Variants in FGFR1OP2 observed in about 807,000 individuals in gnomAD.
The protein encoded by FGFR1OP2 is FGFR1 oncogene partner 2.
Under a neutral mutation model 35.2 loss-of-function variants are expected in FGFR1OP2, and 17 were observed. The observed-to-expected ratio is 0.48, with a 90% CI of 0.33 to 0.73. The LOEUF (loss-of-function observed/expected upper bound fraction) is 0.73. Among genes scored for constraint, FGFR1OP2 ranks in the 30% least tolerant of loss-of-function variants. The probability of loss-of-function intolerance (pLI) is 0.02; values close to 1 mark genes in which losing one functional copy is unlikely to be tolerated. For synonymous variants in FGFR1OP2, 105 were observed against 104.6 expected, an observed-to-expected ratio of 1.00 and a Z score of -0.03; for missense variants, 251 against 307.3, an observed-to-expected ratio of 0.82 and a Z score of 1.37.
chr12:26,949,190 C>G (rs955044028), intron 1 of FGFR1OP2, among the ~76,000 whole-genome samples: 3 of 152,088 alleles, frequency 2.0e-5, no homozygotes, highest in African/African-American at 7.2e-5. Flanking sequence ...GGCTAGAGTG[C>G]AATGGCGCGA....
At chr12:26,947,788 T>C (rs1938853844) in intron 1 of FGFR1OP2, among the ~76,000 whole-genome samples, 1 of 152,232 alleles carries the variant, frequency 6.6e-6, no homozygotes. Context: ...CTTAATCTTA[T>C]CTAAATATAA....
intron 4 of FGFR1OP2, among the ~76,000 whole-genome samples, chr12:26,958,631 C>T (rs867254136): frequency 2.6e-5 from 4 of 152,162 alleles, no homozygotes; most frequent in African/African-American, 9.7e-5. Flanking sequence ...CAGTTGACAT[C>T]ATTTTTTAGA....
chr12:26,947,956 T>A (rs189391673), intron 1 of FGFR1OP2, among the ~76,000 whole-genome samples: 1 of 152,178 alleles, frequency 6.6e-6, no homozygotes, highest in African/African-American at 2.4e-5. Context: ...TTTCAATTAA[T>A]CTATTGTAGT....
chr12:26,961,726 G>A (rs561018193), intron 5 of FGFR1OP2: 5 of 152,114 alleles, frequency 3.3e-5, no homozygotes, highest in Non-Finnish European at 4.4e-5. Context: ...CAACAAGAGC[G>A]AGACTCTGTC....
chr12:26,945,823 C>T (rs1024060142), intron 1 of FGFR1OP2, among the ~76,000 whole-genome samples: 21 of 149,638 alleles, frequency 1.4e-4, no homozygotes, highest in African/African-American at 4.9e-4. Flanking sequence ...AATGTGCCAT[C>T]GCACTCCAGC....
At chr12:26,944,209 A>T (rs1013961636) in intron 1 of FGFR1OP2, among the ~76,000 whole-genome samples, 1 of 152,190 alleles carries the variant, frequency 6.6e-6, no homozygotes, top group Non-Finnish European at 1.5e-5. Flanking sequence ...CATAGACAAC[A>T]ATGTTGGTTG....
chr12:26,946,238 G>A (rs1429303975), intron 1 of FGFR1OP2, among the ~76,000 whole-genome samples: 1 of 152,192 alleles, frequency 6.6e-6, no homozygotes. Context: ...TCTTCTTGGT[G>A]ATTGGGCATT....
chr12:26,942,363 G>A (rs1308802905), intron 1 of FGFR1OP2, among the ~76,000 whole-genome samples: 1 of 152,164 alleles, frequency 6.6e-6, no homozygotes, highest in African/African-American at 2.4e-5. Context: ...TTTCTCATTG[G>A]TAAAGTGGGA....
At chr12:26,943,887 A>G (rs1938779181) in intron 1 of FGFR1OP2, among the ~76,000 whole-genome samples, 1 of 152,160 alleles carries the variant, frequency 6.6e-6, no homozygotes, top group Non-Finnish European at 1.5e-5. Flanking sequence ...TGAACACAGT[A>G]TGTTTCTCCA....
At chr12:26,950,095 G>A (rs990190562) in intron 1 of FGFR1OP2, among the ~76,000 whole-genome samples, 3 of 151,474 alleles carry the variant, frequency 2.0e-5, no homozygotes, top group Admixed American at 6.6e-5. Flanking sequence ...AAAGCATCCC[G>A]CTTATAGTAA....
chr12:26,962,907 G>A (rs1939123552), intron 5 of FGFR1OP2: 1 of 152,642 alleles, frequency 6.6e-6, no homozygotes, highest in Admixed American at 6.5e-5. Context: ...GTTACAGATT[G>A]GATTGAGATA....
chr12:26,961,046 T>A (rs377462075), intron 5 of FGFR1OP2: 28 of 157,042 alleles, frequency 1.8e-4, no homozygotes, highest in African/African-American at 6.7e-4. Flanking sequence ...GCAAATGAAA[T>A]TAAAATGCCT....
chr12:26,957,889 T>C, intron 4 of FGFR1OP2, 146 bp downstream of exon 4: 4 of 583,402 alleles, frequency 6.9e-6, no homozygotes, highest in Middle Eastern at 4.6e-4. Flanking sequence ...AATTGACATT[T>C]TCTCCTTTTT....
At chr12:26,952,675 CT>C (rs763886345) in intron 1 of FGFR1OP2, among the ~76,000 whole-genome samples, 18,315 of 132,434 alleles carry the variant, frequency 0.14, 986 homozygotes, top group South Asian at 0.17. Context: ...CTACTTGTTG[CT>C]TTTTTTTTTT....
chr12:26,939,657 C>T (rs747171492), intron 1 of FGFR1OP2, among the ~76,000 whole-genome samples: 2 of 152,202 alleles, frequency 1.3e-5, no homozygotes, highest in Admixed American at 6.5e-5. Context: ...TACCGCTGTG[C>T]TCCCAACGCA....
chr12:26,944,471 C>T (rs539618056), intron 1 of FGFR1OP2, among the ~76,000 whole-genome samples: 12 of 152,162 alleles, frequency 7.9e-5, no homozygotes, highest in African/African-American at 1.7e-4. Context: ...TGAAAGTATG[C>T]GGAATTTTTT....
rs137963957 is a variant in FGFR1OP2 at position 26,963,315 on chromosome 12, T to G, written c.511-27T>G. The G allele has an allele frequency of 2.2e-3, 3,228 of 1,500,556 alleles. 123 individuals are homozygous for G. In the Admixed American group the frequency reaches 0.059, roughly 27 times the overall value. 93.0% of individuals were successfully genotyped at this position (1,500,556 alleles called of 1,614,324 possible). A position where few individuals can be genotyped will look rare whatever the true frequency, so the allele number is the denominator to read the frequency against. On this transcript the variant is annotated intron_variant, in intron 5 of 6. Coordinates refer to ENST00000229395, the MANE Select transcript of FGFR1OP2 (RefSeq NM_015633.3). The stretch of plus-strand genomic sequence containing the variant: ...CAAAAATAAAAAAGTATTTTGCTGA[T>G]TTCCAACTCCCATCCCTCTTTTTCA...
chr12:26,955,424 C>A (rs1367702915), intron 2 of FGFR1OP2, among the ~76,000 whole-genome samples: 1 of 152,190 alleles, frequency 6.6e-6, no homozygotes, highest in East Asian at 1.9e-4. Context: ...ATAACCACTA[C>A]CTGATTCCAG....
chr12:26,962,815 C>T (rs1237010168), intron 5 of FGFR1OP2: 1 of 152,184 alleles, frequency 6.6e-6, no homozygotes, highest in Non-Finnish European at 1.5e-5. Context: ...TTATTCAATA[C>T]TTACCATATA....
Sources: allele counts gnomAD v4.1 joint callset (sites outside exome capture counted in the v4.1 genomes callset), GRCh38; gene constraint gnomAD v4.1.1; transcripts MANE v1.5; gene names NCBI Gene and HGNC (gene_info 2026-07-23, HGNC 2026-07-21).